IFT74: variants seen among roughly 807,000 people sequenced by gnomAD.
IFT74 encodes intraflagellar transport protein 74 homolog.
A neutral mutation model predicts 96.7 loss-of-function variants in IFT74; 92 were observed. The observed-to-expected ratio is 0.95, with a 90% CI of 0.80 to 1.13. The LOEUF is 1.13. IFT74 is among the 50% of genes most tolerant of loss of function. IFT74 has a pLI of 0.00. For missense variants in IFT74, 811 were observed against 698.2 expected (o/e 1.16, Z -1.82); for synonymous variants, 223 against 213.2 (o/e 1.05, Z -0.40).
chr9:26,957,308 A>C (rs1432971256), intron 1 of IFT74, among the ~76,000 whole-genome samples: 1 of 152,224 alleles, frequency 6.6e-6, no homozygotes, highest in Non-Finnish European at 1.5e-5. Flanking sequence ...ACATTTTCTC[A>C]AAGTTAGCAG....
chr9:27,058,656 G>A (rs1363370732), intron 18 of IFT74, among the ~76,000 whole-genome samples: 1 of 152,222 alleles, frequency 6.6e-6, no homozygotes, highest in African/African-American at 2.4e-5. Context: ...CCAAAGTGCT[G>A]GGATTGCAGG....
At position 26,950,927 on chromosome 9, in the gene IFT74, A is replaced by T. The variant is rs544310845; in HGVS notation, c.-20+3781A>T. ...CTATGAACACTAAATTGGGTTCTTGATACTTTAAAAATAATTTTAATGTTT... is the reference window on the plus strand; with the variant it reads ...CTATGAACACTAAATTGGGTTCTTGTTACTTTAAAAATAATTTTAATGTTT... On this transcript the variant is annotated intron_variant, in intron 1 of 19. Coordinates refer to the IFT74 transcript ENST00000433700. Among the ~76,000 whole-genome samples, 67 of 152,380 alleles carry T rather than the reference A, an allele frequency of 4.4e-4. No homozygotes were observed. In the South Asian group the frequency reaches 6.6e-3, roughly 15 times the overall value.
intron 8 of IFT74, chr9:26,997,659 T>G: frequency 1.2e-5 from 18 of 1,476,976 alleles, no homozygotes; most frequent in Non-Finnish European, 1.6e-5. Flanking sequence ...AAACGTGATA[T>G]GAGAGATTTT....
At chr9:26,963,946 G>T (rs1370202794) in intron 2 of IFT74, among the ~76,000 whole-genome samples, 1 of 151,912 alleles carries the variant, frequency 6.6e-6, no homozygotes, top group African/African-American at 2.4e-5. Flanking sequence ...TTCTTTTGCT[G>T]TGCAGAAGCT....
chr9:26,954,141 GACA>G (rs1228890368), upstream of IFT74, among the ~76,000 whole-genome samples: 4 of 152,120 alleles, frequency 2.6e-5, no homozygotes, highest in Non-Finnish European at 5.9e-5. Flanking sequence ...TGTTATCTTT[GACA>G]ACAAAAATAA....
intron 16 of IFT74, among the ~76,000 whole-genome samples, chr9:27,050,289 G>A (rs938901866): frequency 6.6e-6 from 1 of 152,134 alleles, no homozygotes; most frequent in African/African-American, 2.4e-5. Context: ...AAACTCCTGG[G>A]CTAAAGCCAT....
At chr9:27,022,927 C>T (rs778939754) in intron 12 of IFT74, among the ~76,000 whole-genome samples, 16 of 152,008 alleles carry the variant, frequency 1.1e-4, no homozygotes, top group Middle Eastern at 3.2e-3. Context: ...CATGAGCCAC[C>T]GCGCCCGACC....
At chr9:27,027,990 G>A (rs1479789232) in intron 12 of IFT74, among the ~76,000 whole-genome samples, 1 of 152,152 alleles carries the variant, frequency 6.6e-6, no homozygotes, top group African/African-American at 2.4e-5. Context: ...TGTGTATGAT[G>A]TGAGGTAGGA....
At chr9:27,033,901 T>G (rs1022516662) in intron 13 of IFT74, among the ~76,000 whole-genome samples, 2 of 152,220 alleles carry the variant, frequency 1.3e-5, no homozygotes, top group Non-Finnish European at 2.9e-5. Context: ...TCCTTACCAA[T>G]GCTAGCCATA....
chr9:26,978,353 A>G (rs896899972), intron 3 of IFT74, 90 bp downstream of exon 3: 42 of 1,371,610 alleles, frequency 3.1e-5, no homozygotes, highest in Non-Finnish European at 3.8e-5. Flanking sequence ...AAAGTTGAGT[A>G]TATTTTGAAC....
chr9:27,046,271 T>C (rs2131682405), intron 14 of IFT74, among the ~76,000 whole-genome samples: 1 of 152,326 alleles, frequency 6.6e-6, no homozygotes, highest in East Asian at 1.9e-4. Flanking sequence ...TAAAAAATGT[T>C]GATTGTGGTC....
chr9:26,982,245 A>T (rs1449986755), intron 4 of IFT74: 1 of 330,684 alleles, frequency 3.0e-6, no homozygotes, highest in South Asian at 2.3e-5. Flanking sequence ...ATGTGGCCTA[A>T]TTTTAATTAA....
chr9:26,965,834 C>A (rs1198607523), intron 2 of IFT74, among the ~76,000 whole-genome samples: 1 of 152,136 alleles, frequency 6.6e-6, no homozygotes, highest in East Asian at 1.9e-4. Context: ...CTCTGTATGT[C>A]CGTATGTACC....
chr9:27,011,672 A>G (rs1829087180), intron 9 of IFT74, among the ~76,000 whole-genome samples: 2 of 146,438 alleles, frequency 1.4e-5, no homozygotes, highest in East Asian at 3.9e-4. Flanking sequence ...TTGAAGGCAC[A>G]CAGCAAGTTT....
chr9:27,011,158 C>T (rs1048370585), intron 9 of IFT74, among the ~76,000 whole-genome samples: 1 of 152,090 alleles, frequency 6.6e-6, no homozygotes, highest in African/African-American at 2.4e-5. Context: ...GAGGCTGAGG[C>T]AGGTACTTGG....
At chr9:26,953,206 A>G (rs1825987578), upstream of IFT74, among the ~76,000 whole-genome samples, 1 of 152,116 alleles carries the variant, frequency 6.6e-6, no homozygotes, top group Non-Finnish European at 1.5e-5. Flanking sequence ...CCCTTCATCA[A>G]ATGCCTTCAG....
chr9:27,031,893 G>C (rs1451494490), intron 13 of IFT74, among the ~76,000 whole-genome samples: 1 of 151,978 alleles, frequency 6.6e-6, no homozygotes, highest in Non-Finnish European at 1.5e-5. Flanking sequence ...AACTTTTTTT[G>C]TAGGGACAGG....
At chr9:27,052,926 G>A (rs1395416114) in intron 16 of IFT74, among the ~76,000 whole-genome samples, 2 of 151,966 alleles carry the variant, frequency 1.3e-5, no homozygotes, top group Admixed American at 6.6e-5. Flanking sequence ...GCAGTGGCGC[G>A]ATTTTGGCTC....
rs1393965871 is a variant in IFT74, at chr9:26,978,175, G to C, written c.168G>C (p.Gly56=). The change falls in exon 3 of 20, where the codon GGG becomes GGC. Residue 56 remains glycine, a synonymous_variant. Transcript: ENST00000380062. ...ARPGSRGCPI[G]TGGVLSSQIK... is the part of the protein sequence containing the mutation. ...CAGGTTCTCGTGGTTGTCCCATAGGGACTGGTGGAGTTCTGTCTTCTCAAA... is the reference window on the plus strand; with the variant it reads ...CAGGTTCTCGTGGTTGTCCCATAGGCACTGGTGGAGTTCTGTCTTCTCAAA... 1 of 1,613,030 alleles carries C rather than the reference G, an allele frequency of 6.2e-7. No individual in the cohort carries two copies. The highest frequency in any genetic ancestry group is 1.3e-5 in the African/African-American group (1 of 74,902).
Sources: gnomAD v4.1 joint callset for allele counts (sites outside exome capture counted in the v4.1 genomes callset) on GRCh38, gnomAD v4.1.1 for gene constraint, MANE v1.5 for transcripts, NCBI Gene and HGNC (gene_info 2026-07-23, HGNC 2026-07-21) for gene names.